PPP1R17: variants seen among roughly 807,000 people sequenced by gnomAD.
The protein encoded by PPP1R17 is G-substrate.
Under a neutral mutation model 15.9 loss-of-function variants are expected in PPP1R17, and 12 were observed. The observed-to-expected ratio is 0.75, with a 90% CI of 0.48 to 1.22. The LOEUF (loss-of-function observed/expected upper bound fraction) is 1.22, where lower values mean the gene tolerates loss of function less well. PPP1R17 is among the 50% of genes most tolerant of loss of function. The pLI, the probability that PPP1R17 is intolerant of heterozygous loss-of-function variation, is 0.00. For missense variants in PPP1R17, 211 were observed against 187.3 expected, an observed-to-expected ratio of 1.13 and a Z score of -0.74; for synonymous variants, 63 against 64.5, an observed-to-expected ratio of 0.98 and a Z score of 0.11.
intron 4 of PPP1R17, among the ~76,000 whole-genome samples, chr7:31,700,848 T>C (rs73309390): frequency 0.064 from 9,709 of 152,204 alleles, 369 homozygotes; most frequent in Non-Finnish European, 0.089. Context: ...AAGGCATACA[T>C]GTTTACAGCA....
At position 31,695,477 on chromosome 7, in the gene PPP1R17, T is replaced by C. The variant is rs906520078; in HGVS notation, c.91T>C (p.Ser31Pro). 2.5e-6 allele frequency: 4 copies of C among 1,603,658 alleles called. No individual in the cohort carries two copies. The highest frequency in any genetic ancestry group is 3.4e-6 in the Non-Finnish European group (4 of 1,176,856). Residue 31 changes from serine to proline, a missense_variant, in exon 3 of 5, where the codon TCA becomes CCA. Ser to Pro is a moderately conservative substitution (Grantham distance 74). Coordinates refer to ENST00000342032, the MANE Select transcript of PPP1R17 (RefSeq NM_006658.5). ...DPRCSHLDDL[S>P]DQFIKDCDLK... is the part of the protein sequence containing the mutation. ...TATCCTGTCAAAATTAGATGATCTT[T>C]CAGACCAGTTCATTAAGGACTGTGA... is the stretch of plus-strand genomic sequence containing the variant.
At chr7:31,690,467 T>G (rs1176159201) in intron 1 of PPP1R17, among the ~76,000 whole-genome samples, 2 of 152,324 alleles carry the variant, frequency 1.3e-5, no homozygotes, top group African/African-American at 4.8e-5. Context: ...CCTTTGCAAA[T>G]TTTATTGTAG....
rs115581643 is a variant in PPP1R17, at chr7:31,702,517, G to A, written c.389-4687G>A. ...CCTTTCAGTAGTCAGCCAGCTCGAA[G>A]CCTCTGCTATCAGACCCCTTCAGGT... is the stretch of plus-strand genomic sequence containing the variant. On this transcript the variant is annotated intron_variant, in intron 4 of 4. Transcript: ENST00000342032. Among the ~76,000 whole-genome samples the A allele has an allele frequency of 8.3e-3, 1,265 of 152,276 alleles. 14 individuals carry two copies. Among genetic ancestry groups the A allele is most frequent in the African/African-American group, 0.029 (1,190 of 41,570 alleles).
chr7:31,702,565 TTAAC>T (rs1225217611), intron 4 of PPP1R17, among the ~76,000 whole-genome samples: 1 of 152,232 alleles, frequency 6.6e-6, no homozygotes, highest in Non-Finnish European at 1.5e-5. Flanking sequence ...TTTTCTATTC[TTAAC>T]TAACTCTGTA....
At position 31,695,515 on chromosome 7, in the gene PPP1R17, G is replaced by A. The variant is rs145578216; in HGVS notation, c.129G>A (p.Lys43=). 3.7e-5 allele frequency: 60 copies of A among 1,613,406 alleles called. No individual in the cohort carries two copies. Among genetic ancestry groups the A allele is most frequent in the Non-Finnish European group, 6.8e-6 (8 of 1,179,814 alleles). Residue 43 remains lysine (K), a synonymous_variant, in exon 3 of 5, where the codon AAG becomes AAA. Transcript: ENST00000342032. The stretch of plus-strand genomic sequence containing the variant: ...TTAAGGACTGTGATCTCAAAAAGAA[G>A]CCTAGAAAGGGAAAAAATGTACAGG... ...QFIKDCDLKK[K]PRKGKNVQAT... is the part of the protein sequence containing the mutation.
In PPP1R17 at chr7:31,696,796, G is replaced by A. The variant is rs147833772; in HGVS notation, c.236-169G>A. 4.3e-4 allele frequency among the ~76,000 whole-genome samples: 65 copies of A among 152,224 alleles called. No homozygotes were observed. In the South Asian group the frequency reaches 4.8e-3, roughly 11 times the overall value. On this transcript the variant is annotated intron_variant, in intron 3 of 4. Coordinates refer to ENST00000342032, the MANE Select transcript of PPP1R17 (RefSeq NM_006658.5). ...TTTTGTATAGACAAGGTTCCTAGTG[G>A]AGCCTCAATAAATACTAATGCTTCT...
intron 4 of PPP1R17, among the ~76,000 whole-genome samples, chr7:31,699,280 G>A (rs865825944): frequency 2.0e-5 from 3 of 152,080 alleles, no homozygotes; most frequent in Admixed American, 2.0e-4. Context: ...AACTGTGATG[G>A]CCCATCACAG....
chr7:31,693,249 G>A (rs1237435985), intron 2 of PPP1R17, among the ~76,000 whole-genome samples: 1 of 152,200 alleles, frequency 6.6e-6, no homozygotes, highest in Non-Finnish European at 1.5e-5. Context: ...AAATGGCTGT[G>A]CACTGAGCAG....
At chr7:31,694,072 C>T (rs1352271618) in intron 2 of PPP1R17, among the ~76,000 whole-genome samples, 2 of 152,118 alleles carry the variant, frequency 1.3e-5, no homozygotes, top group African/African-American at 4.8e-5. Flanking sequence ...TTATTAATTG[C>T]TGCTGAAGAG....
At position 31,705,986 on chromosome 7, in the gene PPP1R17, ATTTTTTTTTTTTTTT is replaced by A. The variant is rs550189867; in HGVS notation, c.389-1196_389-1182del. ...GACTTCTGAATTTCACAGACCAGTA[ATTTTTTTTTTTTTTT>A]TTTTTTTTTTTTTTTTTTTTTGAGA... is the stretch of plus-strand genomic sequence containing the variant. On this transcript the variant is annotated intron_variant, in intron 4 of 4. Coordinates refer to ENST00000342032, the MANE Select transcript of PPP1R17 (RefSeq NM_006658.5). Among the ~76,000 whole-genome samples, 56 of 52,510 alleles carry A rather than the reference ATTTTTTTTTTTTTTT, an allele frequency of 1.1e-3. 1 individual carries two copies. Among genetic ancestry groups the A allele is most frequent in the East Asian group, 4.0e-3 (7 of 1,756 alleles). 34.4% of individuals were successfully genotyped at this position (52,510 alleles called of 152,430 possible).
At chr7:31,694,377 CT>C (rs1792480822) in intron 2 of PPP1R17, among the ~76,000 whole-genome samples, 4 of 147,392 alleles carry the variant, frequency 2.7e-5, no homozygotes, top group Non-Finnish European at 5.9e-5. Flanking sequence ...AGCTCTCTCT[CT>C]CTCTCTCAAA....
rs759381505 is a variant in PPP1R17, at chr7:31,707,272, A to G, written c.457A>G (p.Ile153Val). 5 of 1,613,592 alleles carry G rather than the reference A, an allele frequency of 3.1e-6. No individual in the cohort carries two copies. In the South Asian group the frequency reaches 3.3e-5, roughly 11 times the overall value. ...VEDDEKDGDK[I>V]AI ...AGATGACGAAAAGGATGGTGACAAG[A>G]TAGCTATTTAAAGATAGTTCCCCTG... The change falls in exon 5 of 5, where the codon ATA (isoleucine) becomes GTA (valine). Residue 153 changes from isoleucine to valine, a missense_variant. Coordinates refer to ENST00000342032, the MANE Select transcript of PPP1R17 (RefSeq NM_006658.5).
At chr7:31,706,415 T>C (rs1230440484) in intron 4 of PPP1R17, among the ~76,000 whole-genome samples, 3 of 152,164 alleles carry the variant, frequency 2.0e-5, no homozygotes, top group African/African-American at 7.2e-5. Flanking sequence ...TAAAATTTCA[T>C]AAAAGAAAGG....
chr7:31,696,663 C>T (rs1173060860), intron 3 of PPP1R17, among the ~76,000 whole-genome samples: 3 of 152,070 alleles, frequency 2.0e-5, no homozygotes, highest in African/African-American at 4.8e-5. Flanking sequence ...GCTGTAATAC[C>T]CTGGGCACAT....
chr7:31,688,438 C>CA (rs1792200000), intron 1 of PPP1R17, among the ~76,000 whole-genome samples: 1 of 152,178 alleles, frequency 6.6e-6, no homozygotes, highest in Admixed American at 6.5e-5. Flanking sequence ...AGAGAAAAGA[C>CA]AAAAAATCCA....
intron 1 of PPP1R17, among the ~76,000 whole-genome samples, chr7:31,687,912 T>C (rs1286436579): frequency 6.6e-6 from 1 of 152,220 alleles, no homozygotes; most frequent in Non-Finnish European, 1.5e-5. Flanking sequence ...GAATACCGTA[T>C]GGTAAGCTAA....
intron 1 of PPP1R17, among the ~76,000 whole-genome samples, chr7:31,692,112 A>T (rs1047375776): frequency 1.3e-5 from 2 of 152,186 alleles, no homozygotes; most frequent in Non-Finnish European, 2.9e-5. Context: ...CAGACTTGAC[A>T]ATTGCTTATT....
At position 31,707,551 on chromosome 7, in the gene PPP1R17, C is replaced by G; in HGVS notation, c.*268C>G. The G allele has an allele frequency of 2.5e-6, 1 of 397,998 alleles. No individual in the cohort carries two copies. Among genetic ancestry groups the G allele is most frequent in the Non-Finnish European group, 4.5e-6 (1 of 223,040 alleles). 24.7% of individuals were successfully genotyped at this position (397,998 alleles called of 1,614,324 possible). On this transcript the variant is annotated 3_prime_UTR_variant, in exon 5 of 5. Coordinates refer to ENST00000342032, the MANE Select transcript of PPP1R17 (RefSeq NM_006658.5). ...CAGATCATCCTAAATGAGGAGGTAA[C>G]AGGGAAAGCACTGGGGTTCGGTTTC...
chr7:31,687,359 T>G (rs1792143277), intron 1 of PPP1R17, 53 bp downstream of exon 1: 1 of 152,284 alleles, frequency 6.6e-6, no homozygotes, highest in African/African-American at 2.4e-5. Context: ...AAAAGCAAGT[T>G]TCCAGTCAGT....
Sources: allele counts gnomAD v4.1 joint callset (sites outside exome capture counted in the v4.1 genomes callset), GRCh38; gene constraint gnomAD v4.1.1; transcripts MANE v1.5; gene names NCBI Gene and HGNC (gene_info 2026-07-23, HGNC 2026-07-21).